NXPE3: variants seen among roughly 807,000 people sequenced by gnomAD.
The protein encoded by NXPE3 is NXPE family member 3.
In NXPE3, 26 loss-of-function variants were observed where a neutral mutation model predicts 46.1. The observed-to-expected ratio is 0.56, with a 90% confidence interval of 0.41 to 0.78. The LOEUF is 0.78. Among genes scored for constraint, NXPE3 ranks in the 30% least tolerant of loss-of-function variants. NXPE3 has a pLI of 0.00. For synonymous variants in NXPE3, 272 were observed against 257.9 expected (o/e 1.05, Z -0.52); for missense variants, 620 against 686.0 (o/e 0.90, Z 1.07).
At chr3:101,816,361 C>T (rs371010956) in intron 6 of NXPE3, among the ~76,000 whole-genome samples, 1 of 151,874 alleles carries the variant, frequency 6.6e-6, no homozygotes, top group South Asian at 2.1e-4. Context: ...GTTTGCTGCA[C>T]CTGTCAACCC....
intron 6 of NXPE3, among the ~76,000 whole-genome samples, chr3:101,812,107 A>G (rs1312498396): frequency 1.3e-5 from 2 of 152,194 alleles, no homozygotes; most frequent in Non-Finnish European, 2.9e-5. Context: ...CATGTTATGC[A>G]GTAAAAACGA....
chr3:101,815,782 C>T (rs1034427184), intron 6 of NXPE3, among the ~76,000 whole-genome samples: 3 of 152,144 alleles, frequency 2.0e-5, no homozygotes, highest in East Asian at 1.9e-4. Context: ...GTGATCACAA[C>T]GTCAAGAGAT....
intron 4 of NXPE3, among the ~76,000 whole-genome samples, chr3:101,793,209 A>G (rs1940618164): frequency 6.6e-6 from 1 of 152,212 alleles, no homozygotes; most frequent in South Asian, 2.1e-4. Context: ...GTCGTCTGCA[A>G]ACAGAGATAG....
At chr3:101,814,725 C>G (rs1407339287) in intron 6 of NXPE3, among the ~76,000 whole-genome samples, 1 of 151,758 alleles carries the variant, frequency 6.6e-6, no homozygotes, top group Non-Finnish European at 1.5e-5. Context: ...AATGATATAA[C>G]CTGGTGGTTT....
At position 101,806,419 on chromosome 3, in the gene NXPE3, C is replaced by T. The variant is rs551480485; in HGVS notation, c.849-634C>T. Among the ~76,000 whole-genome samples, 22 of 152,276 alleles carry T rather than the reference C, an allele frequency of 1.4e-4. No individual in the cohort carries two copies. In the South Asian group the frequency reaches 4.6e-3, roughly 32 times the overall value. ...CAAAAATATTTACTGAGTGTGGACT[C>T]TAGACCAGGGCCTGTGCTAGGATAC... On this transcript the variant is annotated intron_variant, in intron 5 of 7. Transcript: ENST00000273347.
intron 7 of NXPE3, among the ~76,000 whole-genome samples, chr3:101,819,115 C>T (rs1248198885): frequency 6.6e-6 from 1 of 152,064 alleles, no homozygotes; most frequent in Admixed American, 6.5e-5. Context: ...ACCGTGAACT[C>T]ACTGAGGGCA....
At chr3:101,800,908 C>G (rs1941103801) in intron 4 of NXPE3, among the ~76,000 whole-genome samples, 1 of 152,068 alleles carries the variant, frequency 6.6e-6, no homozygotes, top group African/African-American at 2.4e-5. Context: ...GACTGGGTGG[C>G]TCGAGTGGGC....
rs1007900366 is a variant in NXPE3, at chr3:101,827,157, G to C, written c.*5203G>C. Reference sequence around the variant, plus strand: ...GAGGCCATCGGGCCTCTTTTTAAGAGTCTAATGATGTGTATATCTAATGCC... The same window carrying C: ...GAGGCCATCGGGCCTCTTTTTAAGACTCTAATGATGTGTATATCTAATGCC... On this transcript the variant is annotated 3_prime_UTR_variant, in exon 8 of 8. Coordinates refer to ENST00000273347, the MANE Select transcript of NXPE3 (RefSeq NM_145037.4). 3.3e-5 allele frequency: 5 copies of C among 152,124 alleles called. No homozygotes were observed. Among genetic ancestry groups the C allele is most frequent in the Non-Finnish European group, 7.3e-5 (5 of 68,030 alleles). The allele number at this position is 152,124 out of a possible 1,614,324, so 9.4% of individuals were successfully genotyped here.
Position 101,801,610 on chromosome 3 carries a change from G to GACA in NXPE3, c.469_470insACA (p.Ala157delinsAspThr). ...TCACTCCCTCAAGCTGCAGGCTGGG[G>GACA]CTGTGGGCAGGGTGGTGGATTACCA... On this transcript the variant is annotated protein_altering_variant, in exon 5 of 8. Transcript: ENST00000273347. 1 of 1,614,244 alleles carries GACA rather than the reference G, an allele frequency of 6.2e-7. No individual in the cohort carries two copies. The highest frequency in any genetic ancestry group is 8.5e-7 in the Non-Finnish European group (1 of 1,180,044).
chr3:101,807,800 CCAATAACTATATGTAG>C (rs1001073064), intron 6 of NXPE3, among the ~76,000 whole-genome samples: 19 of 151,862 alleles, frequency 1.3e-4, no homozygotes, highest in Non-Finnish European at 2.1e-4. Context: ...TCACACATGC[CCAATAACTATATGTAG>C]ACAGCATTTT....
In NXPE3 at chr3:101,781,211, C is replaced by T. The variant is rs965056698; in HGVS notation, c.-497-899C>T. On this transcript the variant is annotated intron_variant, in intron 1 of 7. Transcript: ENST00000273347. ...GACTAGTACAGTTACATTTATTTGG[C>T]CAACAGGTCAGAGTAGTTAGGATAG... is the stretch of plus-strand genomic sequence containing the variant. 3.3e-5 allele frequency among the ~76,000 whole-genome samples: 5 copies of T among 152,144 alleles called. No individual in the cohort carries two copies. In the East Asian group the frequency reaches 9.6e-4, roughly 29 times the overall value.
intron 5 of NXPE3, among the ~76,000 whole-genome samples, chr3:101,802,300 A>G (rs1467051864): frequency 6.6e-6 from 1 of 152,038 alleles, no homozygotes; most frequent in Non-Finnish European, 1.5e-5. Flanking sequence ...TGTAAGTAAA[A>G]TCCCTTATTC....
intron 6 of NXPE3, among the ~76,000 whole-genome samples, chr3:101,808,981 C>G (rs971293280): frequency 1.3e-5 from 2 of 151,584 alleles, no homozygotes; most frequent in African/African-American, 4.8e-5. Context: ...GAGGCCCTGT[C>G]TCCCACTACT....
At position 101,823,588 on chromosome 3, in the gene NXPE3, A is replaced by G. The variant is rs574632187; in HGVS notation, c.*1634A>G. The G allele has an allele frequency of 6.6e-6, 1 of 151,566 alleles. No homozygotes were observed. Among genetic ancestry groups the G allele is most frequent in the East Asian group, 2.0e-4 (1 of 5,074 alleles). 9.4% of individuals were successfully genotyped at this position (151,566 alleles called of 1,614,324 possible). On this transcript the variant is annotated 3_prime_UTR_variant, in exon 8 of 8. Transcript: ENST00000273347. The stretch of plus-strand genomic sequence containing the variant: ...CAGGAGTTTGAGACCAGCCTGGGCA[A>G]CATAGTAAGACCTCATCTCTACAAA...
At chr3:101,808,854 T>TATATATATACATACATATATATATAC (rs770360739) in intron 6 of NXPE3, among the ~76,000 whole-genome samples, 1 of 100,348 alleles carries the variant, frequency 1.0e-5, no homozygotes, top group Non-Finnish European at 2.1e-5. Flanking sequence ...TATATATATA[T>TATATATATACATACATATATATATAC]ATGAGACATT....
chr3:101,827,440 G>C lies in NXPE3; in HGVS notation c.*5486G>C, dbSNP rs566484783. 6.6e-6 allele frequency: 1 copy of C among 152,280 alleles called. No homozygotes were observed. The highest frequency in any genetic ancestry group is 2.4e-5 in the African/African-American group (1 of 41,546). 9.4% of individuals were successfully genotyped at this position (152,280 alleles called of 1,614,324 possible). ...TCACAGATTTCTTGTCCTTTAATTA[G>C]TCAGTGAAGGCACATGATTGCGATA... On this transcript the variant is annotated 3_prime_UTR_variant, in exon 8 of 8. Transcript: ENST00000273347.
chr3:101,808,854 T>TATATATATACATATATATATAC (rs770360739), intron 6 of NXPE3, among the ~76,000 whole-genome samples: 1,990 of 100,180 alleles, frequency 0.02, 175 homozygotes, highest in Middle Eastern at 0.031. Context: ...TATATATATA[T>TATATATATACATATATATATAC]ATGAGACATT....
intron 4 of NXPE3, among the ~76,000 whole-genome samples, chr3:101,789,986 C>T (rs1470425055): frequency 6.6e-6 from 1 of 152,190 alleles, no homozygotes; most frequent in Non-Finnish European, 1.5e-5. Flanking sequence ...CCACTGCATC[C>T]AGCCCCATAT....
chr3:101,810,113 G>GT (rs894422425), intron 6 of NXPE3, among the ~76,000 whole-genome samples: 54 of 152,346 alleles, frequency 3.5e-4, no homozygotes, highest in Middle Eastern at 3.4e-3. Flanking sequence ...AGGAAAAACA[G>GT]TTTTTAGTTC....
Sources: allele counts gnomAD v4.1 joint callset (sites outside exome capture counted in the v4.1 genomes callset), GRCh38; gene constraint gnomAD v4.1.1; transcripts MANE v1.5; gene names NCBI Gene and HGNC (gene_info 2026-07-23, HGNC 2026-07-21).